RPS6KC1: variants seen among roughly 807,000 people sequenced by gnomAD.
The protein encoded by RPS6KC1 is inactive ribosomal protein S6 kinase delta-1.
RPS6KC1 carries 54 observed loss-of-function variants against 103.8 expected under a neutral mutation model. The ratio of observed to expected loss-of-function variants is 0.52; its 90% CI spans 0.42 to 0.65. RPS6KC1 has a LOEUF of 0.65. Among genes scored for constraint, RPS6KC1 ranks in the 30% least tolerant of loss-of-function variants. RPS6KC1 has a pLI of 0.00. For synonymous variants in RPS6KC1, 439 were observed against 438.7 expected (o/e 1.00, Z -0.01); for missense variants, 1,151 against 1,253.8 (o/e 0.92, Z 1.24).
chr1:213,390,372 T>C, the RPS6KC1 span, among the ~76,000 whole-genome samples: 1 of 152,198 alleles, frequency 6.6e-6, no homozygotes, highest in Non-Finnish European at 1.5e-5. Context: ...ATCCTTCCGT[T>C]GTAATACAAC....
Position 213,054,639 on chromosome 1 carries a change from G to A in RPS6KC1, c.105+3130G>A, listed in dbSNP as rs1202340043. Among the ~76,000 whole-genome samples, 4 of 152,118 alleles carry A rather than the reference G, an allele frequency of 2.6e-5. No individual in the cohort carries two copies. The East Asian group carries it at 5.8e-4, about 22-fold the overall frequency. ...TGTAGGAGTAGAGTTTTAATCATTG[G>A]AAGTACCAATGTTAAATTTTGGATA... On this transcript the variant is annotated intron_variant, in intron 1 of 14. Transcript: ENST00000366960.
chr1:213,102,537 T>TAGTTTA (rs1162141892), intron 3 of RPS6KC1, among the ~76,000 whole-genome samples: 2 of 152,218 alleles, frequency 1.3e-5, no homozygotes, highest in Non-Finnish European at 1.5e-5. Flanking sequence ...TGCCAGAACT[T>TAGTTTA]AGTTTATATC....
chr1:213,628,333 T>A, the RPS6KC1 span, among the ~76,000 whole-genome samples: 14 of 152,332 alleles, frequency 9.2e-5, no homozygotes, highest in East Asian at 2.7e-3. Flanking sequence ...TTAGTCTTGC[T>A]AGCGGTCTAT....
chr1:213,391,529 TG>T, the RPS6KC1 span, among the ~76,000 whole-genome samples: 4 of 152,126 alleles, frequency 2.6e-5, no homozygotes, highest in African/African-American at 7.2e-5. Flanking sequence ...TTGGTCAGGG[TG>T]GGTGTACAGT....
chr1:213,205,166 TTGAG>T, intron 8 of RPS6KC1: 1 of 768,592 alleles, frequency 1.3e-6, no homozygotes, highest in Non-Finnish European at 1.6e-6. Flanking sequence ...ACCTGTCTGT[TTGAG>T]TATCACCAAA....
At chr1:213,208,372 T>C (rs890694682) in intron 8 of RPS6KC1, among the ~76,000 whole-genome samples, 3 of 152,228 alleles carry the variant, frequency 2.0e-5, no homozygotes, top group African/African-American at 7.2e-5. Flanking sequence ...TCTTTGTATG[T>C]GACTTGTTTT....
chr1:213,622,951 G>A, the RPS6KC1 span, among the ~76,000 whole-genome samples: 3 of 152,176 alleles, frequency 2.0e-5, no homozygotes, highest in Admixed American at 6.5e-5. Flanking sequence ...GTCGCGCGAG[G>A]CCAGACAGCA....
At chr1:213,562,127 C>A in the RPS6KC1 span, among the ~76,000 whole-genome samples, 1 of 152,126 alleles carries the variant, frequency 6.6e-6, no homozygotes. Flanking sequence ...AGGTCTTATG[C>A]TCTGTCTTGG....
chr1:213,503,924 TA>T, the RPS6KC1 span, among the ~76,000 whole-genome samples: 2 of 151,940 alleles, frequency 1.3e-5, no homozygotes, highest in African/African-American at 2.4e-5. Flanking sequence ...TGTATCAGTA[TA>T]AAAAAATATG....
the RPS6KC1 span, among the ~76,000 whole-genome samples, chr1:213,785,319 T>C: frequency 2.0e-5 from 3 of 152,002 alleles, no homozygotes; most frequent in Non-Finnish European, 4.4e-5. Context: ...CCTTTAGAAA[T>C]AGGAAGCAGA....
the RPS6KC1 span, among the ~76,000 whole-genome samples, chr1:213,452,790 G>A: frequency 6.6e-6 from 1 of 152,274 alleles, no homozygotes; most frequent in African/African-American, 2.4e-5. Flanking sequence ...AAGTACACGA[G>A]CAAACAAACC....
At chr1:213,709,466 TTCTA>T in the RPS6KC1 span, among the ~76,000 whole-genome samples, 2 of 152,116 alleles carry the variant, frequency 1.3e-5, no homozygotes, top group Non-Finnish European at 1.5e-5. Context: ...CTGGCTAGTG[TTCTA>T]TCTATTTTCT....
the RPS6KC1 span, among the ~76,000 whole-genome samples, chr1:213,653,456 T>C: frequency 7.1e-6 from 1 of 140,102 alleles, no homozygotes; most frequent in Non-Finnish European, 1.7e-5. Flanking sequence ...AAAGATCCTG[T>C]CTCAAAAAAA....
chr1:213,617,720 C>T, the RPS6KC1 span, among the ~76,000 whole-genome samples: 207 of 152,324 alleles, frequency 1.4e-3, no homozygotes, highest in African/African-American at 4.8e-3. Flanking sequence ...GCTCTGTCCT[C>T]ACTTCTGAGG....
the RPS6KC1 span, among the ~76,000 whole-genome samples, chr1:213,812,721 G>A: frequency 6.6e-6 from 1 of 152,140 alleles, no homozygotes; most frequent in Non-Finnish European, 1.5e-5. Flanking sequence ...AGCAAGCCTT[G>A]AGGGAACTGT....
intron 8 of RPS6KC1, among the ~76,000 whole-genome samples, chr1:213,196,519 C>A (rs540512980): frequency 6.6e-6 from 1 of 152,092 alleles, no homozygotes; most frequent in Non-Finnish European, 1.5e-5. Flanking sequence ...GTTTTTATTA[C>A]ATTTGCTTTT....
the RPS6KC1 span, among the ~76,000 whole-genome samples, chr1:213,667,656 ACT>A: frequency 6.6e-6 from 1 of 151,658 alleles, no homozygotes; most frequent in Non-Finnish European, 1.5e-5. Context: ...ACATCTATTG[ACT>A]CTGTCTTTCA....
the RPS6KC1 span, among the ~76,000 whole-genome samples, chr1:213,638,781 T>C: frequency 5.3e-5 from 8 of 152,224 alleles, no homozygotes; most frequent in South Asian, 2.1e-4. Context: ...ATTGATATCA[T>C]GTAGTTAGAT....
chr1:213,308,588 A>G, the RPS6KC1 span, among the ~76,000 whole-genome samples: 3 of 152,322 alleles, frequency 2.0e-5, no homozygotes, highest in South Asian at 6.2e-4. Flanking sequence ...TTTCAGACCA[A>G]TTATGGGAAA....
Sources: allele counts gnomAD v4.1 joint callset (sites outside exome capture counted in the v4.1 genomes callset), GRCh38; gene constraint gnomAD v4.1.1; transcripts MANE v1.5; gene names NCBI Gene and HGNC (gene_info 2026-07-23, HGNC 2026-07-21).